TLL2: variants seen among roughly 807,000 people sequenced by gnomAD.
TLL2 encodes tolloid like 2.
In TLL2, 106 loss-of-function variants were observed where a neutral mutation model predicts 123.0. The ratio of observed to expected loss-of-function variants is 0.86; its 90% CI spans 0.74 to 1.01. The LOEUF (loss-of-function observed/expected upper bound fraction) is 1.01, where lower values mean the gene tolerates loss of function less well. Among genes scored for constraint, TLL2 ranks in the 50% least tolerant of loss-of-function variants. The pLI, the probability that TLL2 is intolerant of heterozygous loss-of-function variation, is 0.00. For synonymous variants in TLL2, 494 were observed against 516.8 expected, an observed-to-expected ratio of 0.96 and a Z score of 0.60; for missense variants, 1,332 against 1,336.7, an observed-to-expected ratio of 1.00 and a Z score of 0.06.
At chr10:96,436,298 A>C (rs1846794634) in intron 3 of TLL2, among the ~76,000 whole-genome samples, 1 of 152,240 alleles carries the variant, frequency 6.6e-6, no homozygotes, top group Non-Finnish European at 1.5e-5. Flanking sequence ...TAAAGTATCA[A>C]TTCTTTGATA....
intron 13 of TLL2, among the ~76,000 whole-genome samples, chr10:96,388,156 C>A (rs939935814): frequency 6.6e-6 from 1 of 152,176 alleles, no homozygotes; most frequent in Non-Finnish European, 1.5e-5. Context: ...GTAATCACAG[C>A]ACTTTGGGAG....
At chr10:96,482,189 C>T (rs1042969235) in intron 1 of TLL2, among the ~76,000 whole-genome samples, 3 of 150,678 alleles carry the variant, frequency 2.0e-5, no homozygotes, top group African/African-American at 4.9e-5. Context: ...ACCCGGGCGG[C>T]GGAGCTTGCA....
At chr10:96,447,201 T>G (rs892815624) in intron 2 of TLL2, among the ~76,000 whole-genome samples, 61 of 152,210 alleles carry the variant, frequency 4.0e-4, no homozygotes, top group African/African-American at 1.4e-3. Flanking sequence ...GGGCTTGTCA[T>G]GAGAGGGACA....
At chr10:96,508,423 A>G (rs1389737365) in intron 1 of TLL2, among the ~76,000 whole-genome samples, 2 of 152,206 alleles carry the variant, frequency 1.3e-5, no homozygotes, top group Non-Finnish European at 2.9e-5. Flanking sequence ...AGGCAGAAGT[A>G]AAGTCTGAAG....
chr10:96,455,960 C>T (rs778239344), intron 2 of TLL2, among the ~76,000 whole-genome samples: 4 of 152,188 alleles, frequency 2.6e-5, no homozygotes, highest in Non-Finnish European at 5.9e-5. Context: ...AGGAAACTGA[C>T]CGTGTTTATT....
In TLL2 at chr10:96,469,684, C is replaced by T. The variant is rs575187784; in HGVS notation, c.286+10665G>A. Among the ~76,000 whole-genome samples the T allele has an allele frequency of 3.3e-5, 5 of 152,348 alleles. No homozygotes were observed. The South Asian group carries it at 1.0e-3, about 32-fold the overall frequency. On this transcript the variant is annotated intron_variant, in intron 2 of 20. Transcript: ENST00000357947. ...TCCAATCTGACCCATTCCTCCAGTG[C>T]TCCCAGAGCACGACAATCATCACTC...
At position 96,376,718 on chromosome 10, in the gene TLL2, AAGAGATGTTCC is replaced by A; in HGVS notation, c.2411_2421del (p.Trp804PhefsTer12). On this transcript the variant is annotated frameshift_variant, in exon 18 of 21. Transcript: ENST00000357947. LOFTEE classifies it high-confidence loss of function. ...AGTTTCACTCTGTGGCCTGCAGTCG[AAGAGATGTTCC>A]AGGTACACTCCCTCCGGCTGGGGTA... 6.2e-7 allele frequency: 1 copy of A among 1,610,146 alleles called. No homozygotes were observed. The highest frequency in any genetic ancestry group is 1.1e-5 in the South Asian group (1 of 90,628).
rs200022958 is a variant in TLL2 at position 96,395,988 on chromosome 10, C to A, written c.1417G>T (p.Gly473Cys). The change falls in exon 12 of 21, where the codon GGT becomes TGT. Residue 473 changes from glycine to cysteine, a missense_variant. Physicochemically the swap from Gly to Cys is radical, Grantham distance 159 (BLOSUM62 -3). Transcript: ENST00000357947. The part of the protein sequence containing the change: ...TCGGDMNKDA[G>C]QIQSPNYPDD... ...GGATAGTTGGGAGATTGAATCTGAC[C>A]GGCATCTTTGTTCATGTCTCCCCCG... The A allele has an allele frequency of 3.0e-5, 48 of 1,613,964 alleles. No homozygotes were observed. The highest frequency in any genetic ancestry group is 3.8e-5 in the Non-Finnish European group (45 of 1,180,024).
At position 96,367,216 on chromosome 10, in the gene TLL2, G is replaced by A. The variant is rs1335564824; in HGVS notation, c.*872C>T. ...GAATTGGATGTCAAGGAGTCCAGGT[G>A]TGCCACGGCAAGTGCCTCCAAAGCT... On this transcript the variant is annotated 3_prime_UTR_variant, in exon 21 of 21. Transcript: ENST00000357947. The A allele has an allele frequency of 6.6e-6, 1 of 152,272 alleles. No individual in the cohort carries two copies. Among genetic ancestry groups the A allele is most frequent in the African/African-American group, 2.4e-5 (1 of 41,474 alleles). 9.4% of individuals were successfully genotyped at this position (152,272 alleles called of 1,614,324 possible). A position where few individuals can be genotyped will look rare whatever the true frequency, so the allele number is the denominator to read the frequency against.
intron 6 of TLL2, 84 bp from the exon 7 acceptor site, chr10:96,421,145 A>C: frequency 1.0e-6 from 1 of 988,118 alleles, no homozygotes; most frequent in Admixed American, 1.8e-5. Flanking sequence ...GAGGGCCCAT[A>C]ACAACTTCCC....
rs1021171821 is a variant in TLL2 at position 96,397,307 on chromosome 10, A to G, written c.1268-5T>C. Reference sequence around the variant, plus strand: ...TCTTATCGCCACAAAACCTGCCTGGAAAGTGGAAAAAGAAGCAGTTAGGAG... The same window carrying G: ...TCTTATCGCCACAAAACCTGCCTGGGAAGTGGAAAAAGAAGCAGTTAGGAG... On this transcript the variant is annotated splice_polypyrimidine_tract_variant and splice_region_variant and intron_variant, in intron 10 of 20. Transcript: ENST00000357947. The G allele has an allele frequency of 1.9e-6, 3 of 1,609,788 alleles. No homozygotes were observed. Among genetic ancestry groups the G allele is most frequent in the Non-Finnish European group, 2.5e-6 (3 of 1,177,570 alleles).
At chr10:96,399,162 C>T (rs983188764) in intron 10 of TLL2, among the ~76,000 whole-genome samples, 1 of 152,286 alleles carries the variant, frequency 6.6e-6, no homozygotes, top group African/African-American at 2.4e-5. Flanking sequence ...TGAGCCACCG[C>T]GCCTGGCTGT....
intron 19 of TLL2, chr10:96,373,361 G>A (rs1227204492): frequency 4.6e-6 from 2 of 434,372 alleles, no homozygotes; most frequent in East Asian, 9.4e-5. Context: ...GGCTGGTCTC[G>A]AACTCCTGAC....
rs55819031 is a variant in TLL2 at position 96,458,587 on chromosome 10, CAAAAAAAAAAAAAAAAA to C, written c.287-12436_287-12420del. 2.4e-4 allele frequency among the ~76,000 whole-genome samples: 11 copies of C among 46,000 alleles called. No individual in the cohort carries two copies. The South Asian group carries it at 2.4e-3, about 10-fold the overall frequency. 30.2% of individuals were successfully genotyped at this position (46,000 alleles called of 152,430 possible). A position where few individuals can be genotyped will look rare whatever the true frequency, so the allele number is the denominator to read the frequency against. On this transcript the variant is annotated intron_variant, in intron 2 of 20. Coordinates refer to ENST00000357947, the MANE Select transcript of TLL2 (RefSeq NM_012465.4). ...GGGGGACAAGAGCGAGACTTCGTCT[CAAAAAAAAAAAAAAAAA>C]AAAAAAAAAAAAAAAAATCAGCCAG...
intron 16 of TLL2, among the ~76,000 whole-genome samples, chr10:96,383,053 T>G (rs1488706060): frequency 7.1e-5 from 9 of 126,908 alleles, no homozygotes; most frequent in East Asian, 4.8e-4. Context: ...GGTTTAGGAG[T>G]AGAAGGTGAT....
intron 2 of TLL2, among the ~76,000 whole-genome samples, chr10:96,455,019 C>A (rs1846998088): frequency 6.6e-6 from 1 of 152,110 alleles, no homozygotes; most frequent in Admixed American, 6.5e-5. Context: ...TTTCTTTAAA[C>A]CTTTCCCCAT....
At position 96,373,746 on chromosome 10, in the gene TLL2, C is replaced by T. The variant is rs770777831; in HGVS notation, c.2512G>A (p.Asp838Asn). The change falls in exon 19 of 21, where the codon GAC becomes AAC. Residue 838 changes from aspartate (D) to asparagine (N), a missense_variant. Coordinates refer to ENST00000357947, the MANE Select transcript of TLL2 (RefSeq NM_012465.4). ...ECAYDHLEMYDGPDSLAPILG... is the reference protein window; with the variant it reads ...ECAYDHLEMYNGPDSLAPILG... ...ATGGGGGCCAGGCTGTCCGGCCCGT[C>T]ATACATTTCCAGGTGGTCATAGGCA... The T allele has an allele frequency of 2.7e-5, 44 of 1,614,140 alleles. No individual in the cohort carries two copies. The Admixed American group carries it at 3.5e-4, about 13-fold the overall frequency.
At chr10:96,487,634 A>G (rs1847370254) in intron 1 of TLL2, among the ~76,000 whole-genome samples, 1 of 152,130 alleles carries the variant, frequency 6.6e-6, no homozygotes, top group Non-Finnish European at 1.5e-5. Context: ...TGGATTGTAC[A>G]CAGGCATCGC....
At position 96,477,616 on chromosome 10, in the gene TLL2, C is replaced by T. The variant is rs974674590; in HGVS notation, c.286+2733G>A. Reference sequence around the variant, plus strand: ...AAATGTATTAAGCATTTGTTATGTGCCAGGCACTGTGCTAAGCACTTTGCA... The same window carrying T: ...AAATGTATTAAGCATTTGTTATGTGTCAGGCACTGTGCTAAGCACTTTGCA... On this transcript the variant is annotated intron_variant, in intron 2 of 20. Transcript: ENST00000357947. Among the ~76,000 whole-genome samples, 18 of 152,294 alleles carry T rather than the reference C, an allele frequency of 1.2e-4. 1 individual carries two copies. The highest frequency in any genetic ancestry group is 4.3e-4 in the African/African-American group (18 of 41,554).
Sources: gnomAD v4.1 joint callset for allele counts (sites outside exome capture counted in the v4.1 genomes callset) on GRCh38, gnomAD v4.1.1 for gene constraint, MANE v1.5 for transcripts, NCBI Gene and HGNC (gene_info 2026-07-23, HGNC 2026-07-21) for gene names.